AGO2: variants seen among roughly 807,000 people sequenced by gnomAD.
AGO2 encodes the protein argonaute RISC catalytic component 2.
A neutral mutation model predicts 102.3 loss-of-function variants in AGO2; 5 were observed. The observed-to-expected ratio is 0.05, with a 90% confidence interval of 0.03 to 0.10. The LOEUF is 0.10. Ranked by LOEUF, AGO2 falls within the 10% of genes least tolerant of loss-of-function variation. The pLI is 1.00. For synonymous variants in AGO2, 449 were observed against 473.1 expected, an observed-to-expected ratio of 0.95 and a Z score of 0.66; for missense variants, 541 against 1,183.7, an observed-to-expected ratio of 0.46 and a Z score of 7.97.
intron 12 of AGO2, among the ~76,000 whole-genome samples, chr8:140,547,950 C>T (rs78812295): frequency 0.022 from 3,365 of 152,298 alleles, 51 homozygotes; most frequent in Non-Finnish European, 0.035. Context: ...ATTTAAATGC[C>T]TCACCTAGGG....
chr8:140,564,412 G>A (rs1380978892), intron 3 of AGO2, among the ~76,000 whole-genome samples: 2 of 152,186 alleles, frequency 1.3e-5, no homozygotes, highest in Non-Finnish European at 2.9e-5. Context: ...TTAAATAAAT[G>A]TACATAGCTG....
At position 140,524,186 on chromosome 8, in the gene AGO2, G is replaced by C. The variant is rs895428688; in HGVS notation, c.*7858C>G. On this transcript the variant is annotated 3_prime_UTR_variant, in exon 19 of 19. Coordinates refer to ENST00000220592, the MANE Select transcript of AGO2 (RefSeq NM_012154.5). ...TCACAGGACTGAATAGCACCTTACAGCTGAGGACTTCACACACACACATTC... is the reference window on the plus strand; with the variant it reads ...TCACAGGACTGAATAGCACCTTACACCTGAGGACTTCACACACACACATTC... 5.3e-5 allele frequency: 8 copies of C among 152,194 alleles called. No homozygotes were observed. The highest frequency in any genetic ancestry group is 8.8e-5 in the Non-Finnish European group (6 of 68,056). The allele number at this position is 152,194 out of a possible 1,614,324, so 9.4% of individuals were successfully genotyped here.
rs775350764 is a variant in AGO2 at position 140,541,251 on chromosome 8, G to A, written c.1947C>T (p.Leu649=). The change falls in exon 15 of 19, where the codon CTC becomes CTT. Residue 649 remains leucine (L), a synonymous_variant. Coordinates refer to ENST00000220592, the MANE Select transcript of AGO2 (RefSeq NM_012154.5). ...GCGTGGACTTGTAGAACTGGATGAG[G>A]AGCTCGCGGACCATGGCGGCCAGGT... ...IQDLAAMVRE[L]LIQFYKSTRF... The A allele has an allele frequency of 8.1e-6, 13 of 1,612,622 alleles. No individual in the cohort carries two copies. In the Admixed American group the frequency reaches 2.2e-4, roughly 27 times the overall value.
At chr8:140,592,520 T>C (rs1054642998) in intron 1 of AGO2, 3 of 152,256 alleles carry the variant, frequency 2.0e-5, no homozygotes, top group Non-Finnish European at 4.4e-5. Flanking sequence ...ATCTTCTTGT[T>C]ACACCAACTC....
intron 1 of AGO2, among the ~76,000 whole-genome samples, chr8:140,629,647 C>T (rs1466849114): frequency 6.6e-6 from 1 of 151,638 alleles, no homozygotes; most frequent in Non-Finnish European, 1.5e-5. Flanking sequence ...CCAGAACAGC[C>T]CGGGCAACAC....
chr8:140,560,660 C>T, intron 4 of AGO2, 150 bp from the exon 5 acceptor site: 3 of 961,596 alleles, frequency 3.1e-6, no homozygotes, highest in Non-Finnish European at 4.5e-6. Flanking sequence ...CACGGCACTC[C>T]AGCCTGTGTG....
chr8:140,554,383 C>A (rs1391939223), intron 10 of AGO2, among the ~76,000 whole-genome samples: 1 of 152,208 alleles, frequency 6.6e-6, no homozygotes, highest in Non-Finnish European at 1.5e-5. Flanking sequence ...CAGACCCCCC[C>A]ACGTGATGGG....
intron 1 of AGO2, among the ~76,000 whole-genome samples, chr8:140,615,857 A>C (rs997575417): frequency 6.6e-6 from 1 of 152,242 alleles, no homozygotes; most frequent in Non-Finnish European, 1.5e-5. Context: ...TTTGTTTAGA[A>C]AACAAACTTT....
chr8:140,547,760 T>C, intron 12 of AGO2, 133 bp from the exon 13 acceptor site: 1 of 1,255,684 alleles, frequency 8.0e-7, no homozygotes, highest in Non-Finnish European at 1.1e-6. Flanking sequence ...GAGCTTTGCG[T>C]GTCCCCCTCT....
At chr8:140,570,099 T>C (rs1179286100) in intron 3 of AGO2, among the ~76,000 whole-genome samples, 2 of 152,268 alleles carry the variant, frequency 1.3e-5, no homozygotes, top group Admixed American at 1.3e-4. Flanking sequence ...TTCTGCACCC[T>C]GCAGAGATCC....
intron 13 of AGO2, among the ~76,000 whole-genome samples, chr8:140,544,686 C>A (rs560551326): frequency 6.6e-6 from 1 of 152,340 alleles, no homozygotes; most frequent in South Asian, 2.1e-4. Context: ...CTGGGGCCAG[C>A]TCGCTCTTTG....
intron 1 of AGO2, among the ~76,000 whole-genome samples, chr8:140,629,871 G>A (rs2074319738): frequency 1.4e-5 from 2 of 143,092 alleles, no homozygotes; most frequent in South Asian, 4.8e-4. Flanking sequence ...GGGAGGGGAG[G>A]GGAGCAGGGG....
intron 3 of AGO2, among the ~76,000 whole-genome samples, chr8:140,565,650 AAAAAG>A (rs1414335252): frequency 2.0e-5 from 3 of 148,590 alleles, no homozygotes; most frequent in Admixed American, 6.7e-5. Context: ...TCAAAAAAAA[AAAAAG>A]AAGAAGAAGA....
intron 1 of AGO2, among the ~76,000 whole-genome samples, chr8:140,620,355 A>G (rs2074203332): frequency 6.6e-6 from 1 of 152,194 alleles, no homozygotes; most frequent in Non-Finnish European, 1.5e-5. Flanking sequence ...CAACTATAGG[A>G]GCCCTGCACT....
intron 17 of AGO2, among the ~76,000 whole-genome samples, chr8:140,533,177 C>G (rs1321164785): frequency 1.3e-5 from 2 of 148,776 alleles, no homozygotes; most frequent in Non-Finnish European, 3.0e-5. Context: ...ATCACAAGGT[C>G]AGGAGATCGA....
At chr8:140,587,017 G>C (rs1410463768) in intron 1 of AGO2, among the ~76,000 whole-genome samples, 2 of 152,132 alleles carry the variant, frequency 1.3e-5, no homozygotes, top group Non-Finnish European at 2.9e-5. Context: ...GCTGGAACAC[G>C]AGCTACTTGC....
chr8:140,552,884 T>C (rs954328208), intron 10 of AGO2, among the ~76,000 whole-genome samples: 1 of 152,212 alleles, frequency 6.6e-6, no homozygotes, highest in Non-Finnish European at 1.5e-5. Flanking sequence ...CACCCCCAAG[T>C]TGTGACAATA....
chr8:140,546,704 A>G (rs747138857), intron 13 of AGO2, among the ~76,000 whole-genome samples: 1 of 152,228 alleles, frequency 6.6e-6, no homozygotes, highest in Non-Finnish European at 1.5e-5. Flanking sequence ...CCTCCTGCCC[A>G]AACGCACAAA....
chr8:140,540,487 G>T lies in AGO2; in HGVS notation c.2034+677C>A, dbSNP rs1376916570. ...TCTAGCCAACGGGAGAAACATTCAG[G>T]GCACCCATCGCCCGGGTTCCAGGCC... On this transcript the variant is annotated intron_variant, in intron 15 of 18. Transcript: ENST00000220592. The surrounding 1 kb of genome is among the most constrained non-coding windows in gnomAD (Gnocchi z 5.0). Among the ~76,000 whole-genome samples, 1 of 152,194 alleles carries T rather than the reference G, an allele frequency of 6.6e-6. No individual in the cohort carries two copies. The highest frequency in any genetic ancestry group is 1.5e-5 in the Non-Finnish European group (1 of 68,030).
Sources: gnomAD v4.1 joint callset for allele counts (sites outside exome capture counted in the v4.1 genomes callset) on GRCh38, gnomAD v4.1.1 for gene constraint, Gnocchi (gnomAD v3.1) non-coding constraint, MANE v1.5 for transcripts, NCBI Gene and HGNC (gene_info 2026-07-23, HGNC 2026-07-21) for gene names.